The following POMT2 variants were observed in gnomAD, a reference collection of about 807,000 sequenced individuals.
POMT2 encodes the protein protein O-mannosyltransferase 2.
In POMT2, 75 loss-of-function variants were observed where a neutral mutation model predicts 100.0. The ratio of observed to expected loss-of-function variants is 0.75; its 90% CI spans 0.62 to 0.91. POMT2 has a LOEUF of 0.91. Among genes scored for constraint, POMT2 ranks in the 40% least tolerant of loss-of-function variants. The pLI is 0.00. For missense variants in POMT2, 940 were observed against 955.1 expected, an observed-to-expected ratio of 0.98 and a Z score of 0.21; for synonymous variants, 378 against 374.1, an observed-to-expected ratio of 1.01 and a Z score of -0.12.
chr14:77,295,714 G>A (rs1890805102), intron 9 of POMT2, among the ~76,000 whole-genome samples: 5 of 151,712 alleles, frequency 3.3e-5, no homozygotes, highest in Admixed American at 2.6e-4. Flanking sequence ...ATGAAAGCAG[G>A]CTTCACACCC....
intron 2 of POMT2, among the ~76,000 whole-genome samples, chr14:77,309,346 T>A (rs1043873960): frequency 2.6e-5 from 4 of 152,198 alleles, no homozygotes; most frequent in Non-Finnish European, 5.9e-5. Context: ...AAGTTCCTGT[T>A]TAAGTTCCAG....
rs1889948361 is a variant in POMT2, at chr14:77,276,300, G to C, written c.*1076C>G. ...TCTTCACTGCTGAAGCAGTGACAGAGAGAAAGGGAATTGCCCACGGAGTGA... is the reference window on the plus strand; with the variant it reads ...TCTTCACTGCTGAAGCAGTGACAGACAGAAAGGGAATTGCCCACGGAGTGA... On this transcript the variant is annotated 3_prime_UTR_variant, in exon 21 of 21. Transcript: ENST00000261534. The C allele has an allele frequency of 6.5e-6, 1 of 152,680 alleles. No homozygotes were observed. The highest frequency in any genetic ancestry group is 2.4e-5 in the African/African-American group (1 of 41,456). The allele number at this position is 152,680 out of a possible 1,614,324, so 9.5% of individuals were successfully genotyped here. A position where few individuals can be genotyped will look rare whatever the true frequency, so the allele number is the denominator to read the frequency against.
At chr14:77,291,754 C>T (rs1594789257) in intron 9 of POMT2, among the ~76,000 whole-genome samples, 3 of 152,096 alleles carry the variant, frequency 2.0e-5, no homozygotes, top group African/African-American at 4.8e-5. Flanking sequence ...TAATTAAGGC[C>T]GGGTGTGGTG....
chr14:77,289,699 A>G (rs923411826), intron 10 of POMT2, among the ~76,000 whole-genome samples: 1 of 152,350 alleles, frequency 6.6e-6, no homozygotes, highest in Non-Finnish European at 1.5e-5. Flanking sequence ...GCCAGCGAGT[A>G]TCTTGTCTCT....
chr14:77,278,906 G>T (rs774159245), intron 18 of POMT2, 37 bp from the exon 19 acceptor site: 1 of 1,602,418 alleles, frequency 6.2e-7, no homozygotes, highest in Non-Finnish European at 8.5e-7. Context: ...AGAAGACAAG[G>T]AGCGGGCAGA....
chr14:77,283,991 T>A, intron 14 of POMT2, 118 bp from the exon 15 acceptor site: 3 of 863,208 alleles, frequency 3.5e-6, no homozygotes, highest in South Asian at 2.7e-5. Flanking sequence ...TTCACAACTG[T>A]TGAGGAGACA....
In POMT2 at chr14:77,320,507, C is replaced by A; in HGVS notation, c.175G>T (p.Ala59Ser). 1 of 1,548,798 alleles carries A rather than the reference C, an allele frequency of 6.5e-7. No individual in the cohort carries two copies. Among genetic ancestry groups the A allele is most frequent in the Non-Finnish European group, 8.7e-7 (1 of 1,150,652 alleles). ...AGCAGCGTCACCAAGGCCAGCAGGG[C>A]CCACCAGCCGACCGCCTCGAAGCGC... Reference protein sequence around the residue: ...SRRFEAVGWWALLALVTLLSF... With the variant: ...SRRFEAVGWWSLLALVTLLSF... Residue 59 changes from alanine (A) to serine (S), a missense_variant, in exon 1 of 21, where the codon GCC (alanine) becomes TCC (serine). Coordinates refer to ENST00000261534, the MANE Select transcript of POMT2 (RefSeq NM_013382.7).
chr14:77,319,241 C>T (rs1032473894), intron 1 of POMT2, among the ~76,000 whole-genome samples: 2 of 152,086 alleles, frequency 1.3e-5, no homozygotes, highest in Non-Finnish European at 2.9e-5. Context: ...AATCCAGGAC[C>T]CTGGAGGGCA....
intron 9 of POMT2, 44 bp downstream of exon 9, chr14:77,296,120 C>A: frequency 7.0e-7 from 1 of 1,427,152 alleles, no homozygotes; most frequent in Non-Finnish European, 9.7e-7. Flanking sequence ...ACTGTCATGG[C>A]GAACAGCATT....
intron 2 of POMT2, chr14:77,306,722 G>A: frequency 2.6e-6 from 1 of 379,540 alleles, no homozygotes; most frequent in Non-Finnish European, 5.1e-6. Context: ...CCCACAATTT[G>A]AAGGGTAGAG....
intron 13 of POMT2, 180 bp downstream of exon 13, chr14:77,285,301 G>A (rs145408066): frequency 7.9e-5 from 66 of 837,300 alleles, no homozygotes; most frequent in Middle Eastern, 3.6e-4. Flanking sequence ...ATAAAACACC[G>A]AAGCTCCCCC....
rs1394427652 is a variant in POMT2 at position 77,278,353 on chromosome 14, A to G, written c.2147+41T>C. On this transcript the variant is annotated intron_variant, in intron 20 of 20. Transcript: ENST00000261534. The stretch of plus-strand genomic sequence containing the variant: ...ATGCATCAGGGCTGAGGCACTGCTG[A>G]GCCCACACTGGGAGGGCATGTGAGG... 10 of 1,405,206 alleles carry G rather than the reference A, an allele frequency of 7.1e-6. No individual in the cohort carries two copies. In the South Asian group the frequency reaches 9.9e-5, roughly 14 times the overall value. The allele number at this position is 1,405,206 out of a possible 1,614,324, so 87.0% of individuals were successfully genotyped here.
Position 77,285,698 on chromosome 14 carries a change from A to T in POMT2, c.1333-66T>A, listed in dbSNP as rs1045623265. On this transcript the variant is annotated intron_variant, in intron 12 of 20. Transcript: ENST00000261534. ...GGACTTTAGAGAAAACGTGTCAGAA[A>T]GGGAAATGGCCACCCAGATGCCACC... 8 of 1,548,160 alleles carry T rather than the reference A, an allele frequency of 5.2e-6. No individual in the cohort carries two copies. The Admixed American group carries it at 6.7e-5, about 13-fold the overall frequency.
intron 1 of POMT2, among the ~76,000 whole-genome samples, chr14:77,313,257 A>C (rs1007689747): frequency 7.9e-5 from 12 of 152,234 alleles, no homozygotes; most frequent in Non-Finnish European, 1.0e-4. Flanking sequence ...TTCTTTTTAT[A>C]TCTTACTTGG....
chr14:77,280,012 G>C lies in POMT2; in HGVS notation c.1785+9C>G. ...CCAGGGCCTGAGCCGGGAATGTTTA[G>C]GCACTCACCGGGTTGCCAAGCAGAT... On this transcript the variant is annotated intron_variant, in intron 17 of 20. Coordinates refer to ENST00000261534, the MANE Select transcript of POMT2 (RefSeq NM_013382.7). The C allele has an allele frequency of 1.2e-6, 2 of 1,614,062 alleles. No individual in the cohort carries two copies. Among genetic ancestry groups the C allele is most frequent in the Non-Finnish European group, 8.5e-7 (1 of 1,180,012 alleles).
chr14:77,320,258 G>C (rs918802303), intron 1 of POMT2, 176 bp downstream of exon 1: 2 of 1,070,448 alleles, frequency 1.9e-6, no homozygotes, highest in Middle Eastern at 2.9e-4. Context: ...AGAGCAAAAC[G>C]ATCCCCCTCC....
At chr14:77,303,924 T>G (rs1205251994) in intron 4 of POMT2, among the ~76,000 whole-genome samples, 2 of 152,204 alleles carry the variant, frequency 1.3e-5, no homozygotes, top group African/African-American at 4.8e-5. Flanking sequence ...GGCCGGGAGC[T>G]GGGTAGGTGC....
intron 15 of POMT2, among the ~76,000 whole-genome samples, 167 bp from the exon 16 acceptor site, chr14:77,280,630 C>T (rs944896210): frequency 4.6e-5 from 7 of 152,220 alleles, no homozygotes; most frequent in African/African-American, 1.7e-4. Context: ...CTACCTACGA[C>T]ACTTGCTTTA....
At chr14:77,302,256 CCCT>C (rs1197132602) in intron 5 of POMT2, among the ~76,000 whole-genome samples, 1 of 152,224 alleles carries the variant, frequency 6.6e-6, no homozygotes, top group African/African-American at 2.4e-5. Flanking sequence ...GTAGACCGGA[CCCT>C]CCAAGTCAGC....
Sources: gnomAD v4.1 joint callset for allele counts (sites outside exome capture counted in the v4.1 genomes callset) on GRCh38, gnomAD v4.1.1 for gene constraint, MANE v1.5 for transcripts, NCBI Gene and HGNC (gene_info 2026-07-23, HGNC 2026-07-21) for gene names.